SV2B: variants seen among roughly 807,000 people sequenced by gnomAD.
SV2B encodes the protein synaptic vesicle glycoprotein 2B.
A neutral mutation model predicts 73.9 loss-of-function variants in SV2B; 41 were observed. That is an observed-to-expected ratio of 0.56 (90% CI 0.43 to 0.72). The LOEUF (loss-of-function observed/expected upper bound fraction) is 0.72, where lower values mean the gene tolerates loss of function less well. Among genes scored for constraint, SV2B ranks in the 30% least tolerant of loss-of-function variants. SV2B has a pLI of 0.00. For missense variants in SV2B, 764 were observed against 857.8 expected (o/e 0.89, Z 1.37); for synonymous variants, 314 against 314.2 (o/e 1.00, Z 0.01).
intron 2 of SV2B, among the ~76,000 whole-genome samples, chr15:91,249,643 A>G (rs2047402547): frequency 6.6e-6 from 1 of 152,248 alleles, no homozygotes. Flanking sequence ...AGGAAAAAAG[A>G]AGGCTCAAAT....
chr15:91,296,402 A>G lies in SV2B; in HGVS notation c.*3850A>G, dbSNP rs933991874. 1 of 152,326 alleles carries G rather than the reference A, an allele frequency of 6.6e-6. No homozygotes were observed. The highest frequency in any genetic ancestry group is 1.5e-5 in the Non-Finnish European group (1 of 68,102). 9.4% of individuals were successfully genotyped at this position (152,326 alleles called of 1,614,324 possible). A position where few individuals can be genotyped will look rare whatever the true frequency, so the allele number is the denominator to read the frequency against. Reference sequence around the variant, plus strand: ...TCTCATGTGAAGGGAATCTGGAGGAAGGAAAGCCAGGGCTGGAGTGGCTGC... The same window carrying G: ...TCTCATGTGAAGGGAATCTGGAGGAGGGAAAGCCAGGGCTGGAGTGGCTGC... On this transcript the variant is annotated 3_prime_UTR_variant, in exon 13 of 13. Coordinates refer to ENST00000394232, the MANE Select transcript of SV2B (RefSeq NM_001323032.3).
intron 1 of SV2B, among the ~76,000 whole-genome samples, chr15:91,175,797 T>C (rs1242003879): frequency 2.6e-5 from 4 of 151,776 alleles, no homozygotes; most frequent in Admixed American, 6.6e-5. Context: ...CAGTTTGAAC[T>C]AAAATCTTTC....
chr15:91,151,312 C>T (rs771877057), intron 1 of SV2B, among the ~76,000 whole-genome samples: 7 of 152,242 alleles, frequency 4.6e-5, no homozygotes, highest in Non-Finnish European at 8.8e-5. Flanking sequence ...AAAAGTTAAA[C>T]TGCAGCTTTA....
intron 1 of SV2B, among the ~76,000 whole-genome samples, chr15:91,191,944 T>G (rs113555805): frequency 0.011 from 1,667 of 152,294 alleles, 36 homozygotes; most frequent in African/African-American, 0.038. Context: ...ACGTTAAATT[T>G]TATTTTATAA....
At chr15:91,182,922 AG>A (rs750333917) in intron 1 of SV2B, among the ~76,000 whole-genome samples, 3 of 152,208 alleles carry the variant, frequency 2.0e-5, no homozygotes, top group Non-Finnish European at 2.9e-5. Context: ...GTATACCCAT[AG>A]GCTTTAAGAT....
intron 1 of SV2B, among the ~76,000 whole-genome samples, chr15:91,103,332 A>G (rs559987828): frequency 2.0e-5 from 3 of 152,076 alleles, no homozygotes; most frequent in Non-Finnish European, 4.4e-5. Context: ...TAGTATTATG[A>G]TTTTTTGTTT....
chr15:91,237,736 C>A (rs758095549), intron 2 of SV2B, among the ~76,000 whole-genome samples: 5 of 151,402 alleles, frequency 3.3e-5, no homozygotes, highest in Non-Finnish European at 7.4e-5. Context: ...TTTTGCTTAT[C>A]GAGCTGTATT....
At position 91,292,657 on chromosome 15, in the gene SV2B, G is replaced by A. The variant is rs201124732; in HGVS notation, c.*105G>A. 3.0e-5 allele frequency: 42 copies of A among 1,380,620 alleles called. No homozygotes were observed. The East Asian group carries it at 1.0e-3, about 34-fold the overall frequency. 85.5% of individuals were successfully genotyped at this position (1,380,620 alleles called of 1,614,324 possible). On this transcript the variant is annotated 3_prime_UTR_variant, in exon 13 of 13. Coordinates refer to ENST00000394232, the MANE Select transcript of SV2B (RefSeq NM_001323032.3). ...TCCGGAGGACACCTTGGATAGCACG[G>A]GAGGAGAAGTTGACTTTGTGACCCC...
intron 1 of SV2B, among the ~76,000 whole-genome samples, chr15:91,111,838 A>G (rs2042043580): frequency 6.6e-6 from 1 of 152,168 alleles, no homozygotes. Flanking sequence ...GACAGCAGGC[A>G]TGTCACATGG....
chr15:91,257,588 T>A (rs568489534), intron 4 of SV2B, among the ~76,000 whole-genome samples: 1 of 152,356 alleles, frequency 6.6e-6, no homozygotes, highest in East Asian at 1.9e-4. Context: ...AAAAAAATTG[T>A]GTAGCCGTAT....
rs919648678 is a variant in SV2B, at chr15:91,239,927, G to A, written c.452-11892G>A. On this transcript the variant is annotated intron_variant, in intron 2 of 12. Coordinates refer to ENST00000394232, the MANE Select transcript of SV2B (RefSeq NM_001323032.3). This position sits in a 1 kb window ranked among gnomAD's most constrained non-coding sequence, Gnocchi z 5.1. Reference sequence around the variant, plus strand: ...CCCGATAATGGCTTTCCAATCACCTGGCAGGTGTCCACCAAGTCTTATGGC... The same window carrying A: ...CCCGATAATGGCTTTCCAATCACCTAGCAGGTGTCCACCAAGTCTTATGGC... Among the ~76,000 whole-genome samples, 2 of 152,132 alleles carry A rather than the reference G, an allele frequency of 1.3e-5. No homozygotes were observed. The highest frequency in any genetic ancestry group is 2.4e-5 in the African/African-American group (1 of 41,412).
intron 1 of SV2B, among the ~76,000 whole-genome samples, chr15:91,210,217 C>T (rs2045805446): frequency 6.6e-6 from 1 of 151,868 alleles, no homozygotes; most frequent in Non-Finnish European, 1.5e-5. Flanking sequence ...TCTGTGAGGC[C>T]ACTACTGATA....
rs1056243053 is a variant in SV2B at position 91,124,001 on chromosome 15, C to G, written c.-392+23638C>G. Among the ~76,000 whole-genome samples, 10 of 152,160 alleles carry G rather than the reference C, an allele frequency of 6.6e-5. No homozygotes were observed. Among genetic ancestry groups the G allele is most frequent in the Non-Finnish European group, 1.2e-4 (8 of 68,038 alleles). On this transcript the variant is annotated intron_variant, in intron 1 of 12. Coordinates refer to ENST00000394232, the MANE Select transcript of SV2B (RefSeq NM_001323032.3). The surrounding 1 kb of genome is among the most constrained non-coding windows in gnomAD (Gnocchi z 4.6). ...CTAGAGAAAATATTCAGCTTGCAAG[C>G]TGCTAGTTCACAGACAGGCTTGAAA...
At position 91,141,745 on chromosome 15, in the gene SV2B, G is replaced by GTT. The variant is rs59875614; in HGVS notation, c.-392+41392_-392+41393dup. On this transcript the variant is annotated intron_variant, in intron 1 of 12. Coordinates refer to ENST00000394232, the MANE Select transcript of SV2B (RefSeq NM_001323032.3). The surrounding 1 kb of genome is among the most constrained non-coding windows in gnomAD (Gnocchi z 4.6). Reference sequence around the variant, plus strand: ...TGCCAAATAGTTTGGGTTTTGTTTTGTTTTTTTTTTTGGACAGAGGTCACA... The same window carrying GTT: ...TGCCAAATAGTTTGGGTTTTGTTTTGTTTTTTTTTTTTTGGACAGAGGTCACA... Among the ~76,000 whole-genome samples the GTT allele has an allele frequency of 5.2e-3, 762 of 145,398 alleles. 1 individual carries two copies. The highest frequency in any genetic ancestry group is 0.016 in the African/African-American group (637 of 39,490).
Position 91,258,163 on chromosome 15 carries a change from C to T in SV2B, c.785-258C>T, listed in dbSNP as rs1386427228. On this transcript the variant is annotated intron_variant, in intron 4 of 12. Coordinates refer to ENST00000394232, the MANE Select transcript of SV2B (RefSeq NM_001323032.3). The surrounding 1 kb of genome is among the most constrained non-coding windows in gnomAD (Gnocchi z 4.7). ...CTGGACCTGGGGATTTGTCAGAATG[C>T]AGAATTCCTGGGGATTTGTCAGAAT... Among the ~76,000 whole-genome samples the T allele has an allele frequency of 2.0e-5, 3 of 152,158 alleles. No homozygotes were observed. Among genetic ancestry groups the T allele is most frequent in the East Asian group, 1.9e-4 (1 of 5,196 alleles).
In SV2B at chr15:91,124,660, AT is replaced by A. The variant is rs61616641; in HGVS notation, c.-392+24310del. Among the ~76,000 whole-genome samples, 430 of 147,518 alleles carry A rather than the reference AT, an allele frequency of 2.9e-3. 1 individual carries two copies. The highest frequency in any genetic ancestry group is 7.6e-3 in the African/African-American group (307 of 40,592). ...CAGAAATTTCTTTCTTTCAACAAAA[AT>A]TTTTTTTTTTTTGAGACAGTCTCAC... On this transcript the variant is annotated intron_variant, in intron 1 of 12. Coordinates refer to ENST00000394232, the MANE Select transcript of SV2B (RefSeq NM_001323032.3). The surrounding 1 kb of genome is among the most constrained non-coding windows in gnomAD (Gnocchi z 4.6).
rs914010134 is a variant in SV2B, at chr15:91,140,398, C to G, written c.-392+40035C>G. Among the ~76,000 whole-genome samples the G allele has an allele frequency of 2.0e-5, 3 of 152,202 alleles. No homozygotes were observed. Among genetic ancestry groups the G allele is most frequent in the African/African-American group, 7.2e-5 (3 of 41,454 alleles). Reference sequence around the variant, plus strand: ...CATTTTCTGTCTCAAAAGTCTAGTGCTTCTCCCAGAGGAGGAGAACAAAAA... The same window carrying G: ...CATTTTCTGTCTCAAAAGTCTAGTGGTTCTCCCAGAGGAGGAGAACAAAAA... On this transcript the variant is annotated intron_variant, in intron 1 of 12. Transcript: ENST00000394232. This position sits in a 1 kb window ranked among gnomAD's most constrained non-coding sequence, Gnocchi z 4.4.
intron 12 of SV2B, among the ~76,000 whole-genome samples, chr15:91,291,504 C>G (rs2049039072): frequency 6.6e-6 from 1 of 152,302 alleles, no homozygotes. Context: ...CCTCTGCATA[C>G]AGATGGGGTC....
At chr15:91,112,041 A>G (rs2042050034) in intron 1 of SV2B, among the ~76,000 whole-genome samples, 1 of 147,104 alleles carries the variant, frequency 6.8e-6, no homozygotes, top group African/African-American at 2.5e-5. Context: ...ACATTTCAAC[A>G]TGAGATTTGG....
Sources: allele counts gnomAD v4.1 joint callset (sites outside exome capture counted in the v4.1 genomes callset), GRCh38; gene constraint gnomAD v4.1.1; non-coding constraint Gnocchi (gnomAD v3.1); transcripts MANE v1.5; gene names NCBI Gene and HGNC (gene_info 2026-07-23, HGNC 2026-07-21).